Variants in UPP2 observed in about 807,000 individuals in gnomAD.
UPP2 encodes the protein uridine phosphorylase 2, also known as UPase 2.
In UPP2, 23 loss-of-function variants were observed where a neutral mutation model predicts 26.7. The ratio of observed to expected loss-of-function variants is 0.86; its 90% CI spans 0.62 to 1.22. UPP2 has a LOEUF of 1.22. UPP2 is among the 50% of genes most tolerant of loss of function. The pLI is 0.00. For synonymous variants in UPP2, 127 were observed against 141.3 expected (o/e 0.90, Z 0.72); for missense variants, 387 against 396.7 (o/e 0.98, Z 0.21).
intron 4 of UPP2, 36 bp downstream of exon 4, chr2:158,117,974 G>T: frequency 1.3e-6 from 2 of 1,537,336 alleles, no homozygotes; most frequent in Non-Finnish European, 1.8e-6. Context: ...AGAACTGAGT[G>T]ATCCTTACAT....
intron 3 of UPP2, among the ~76,000 whole-genome samples, chr2:158,061,169 A>C (rs747868577): frequency 1.3e-5 from 2 of 152,236 alleles, no homozygotes; most frequent in Non-Finnish European, 2.9e-5. Flanking sequence ...GATGAATCAT[A>C]AAATTATTAT....
At chr2:157,995,627 T>A (rs6734235) in intron 2 of UPP2, among the ~76,000 whole-genome samples, 19,153 of 151,058 alleles carry the variant, frequency 0.13, 1,685 homozygotes, top group African/African-American at 0.25. Flanking sequence ...ACATAATTTT[T>A]AAAAAAAAAT....
At chr2:157,995,343 G>C in intron 2 of UPP2, 1 of 1,452,868 alleles carries the variant, frequency 6.9e-7, no homozygotes, top group Non-Finnish European at 9.6e-7. Context: ...AATTAATTTT[G>C]AATTATGTGG....
At chr2:158,051,188 TGTGTGTGTGTATGTGTGTATA>T (rs1558914998) in intron 3 of UPP2, among the ~76,000 whole-genome samples, 1 of 151,002 alleles carries the variant, frequency 6.6e-6, no homozygotes. Context: ...TGTGTGTGTG[TGTGTGTGTGTATGTGTGTATA>T]ATATCTTTCA....
intron 3 of UPP2, among the ~76,000 whole-genome samples, chr2:158,021,381 G>T (rs1171336491): frequency 6.6e-6 from 1 of 152,160 alleles, no homozygotes; most frequent in Non-Finnish European, 1.5e-5. Context: ...AAGATTCCAG[G>T]AGACTCTTCA....
intron 3 of UPP2, among the ~76,000 whole-genome samples, chr2:158,034,270 G>A (rs564835677): frequency 6.6e-6 from 1 of 152,258 alleles, no homozygotes; most frequent in East Asian, 1.9e-4. Flanking sequence ...TGCTCTCTGT[G>A]GGGAGGAGGT....
chr2:158,014,558 A>G (rs1324516751), intron 2 of UPP2, among the ~76,000 whole-genome samples: 1 of 152,218 alleles, frequency 6.6e-6, no homozygotes, highest in African/African-American at 2.4e-5. Context: ...TCAGAAAAGA[A>G]ATGTGTTTCT....
chr2:158,083,867 T>TATATATATA (rs1553467792), intron 3 of UPP2, among the ~76,000 whole-genome samples: 93 of 145,872 alleles, frequency 6.4e-4, no homozygotes, highest in African/African-American at 2.2e-3. Context: ...TATATGTTTT[T>TATATATATA]TATATATATA....
chr2:158,120,413 T>C (rs565165650), intron 4 of UPP2, among the ~76,000 whole-genome samples: 72 of 152,210 alleles, frequency 4.7e-4, no homozygotes, highest in African/African-American at 1.5e-3. Context: ...ATCTATGGCA[T>C]CTTTGTGAAA....
intron 3 of UPP2, among the ~76,000 whole-genome samples, chr2:158,069,773 A>G (rs893196106): frequency 1.3e-5 from 2 of 152,202 alleles, no homozygotes; most frequent in African/African-American, 4.8e-5. Flanking sequence ...TCAGGCTGTT[A>G]CATCAAAATA....
At chr2:158,126,021 G>A (rs143408722) in intron 6 of UPP2, among the ~76,000 whole-genome samples, 80 of 152,228 alleles carry the variant, frequency 5.3e-4, no homozygotes, top group Middle Eastern at 6.8e-3. Flanking sequence ...CATGAAAACC[G>A]GGTGATGACC....
At chr2:158,001,517 A>G (rs768303394) in intron 2 of UPP2, among the ~76,000 whole-genome samples, 46 of 152,232 alleles carry the variant, frequency 3.0e-4, no homozygotes, top group Non-Finnish European at 4.9e-4. Flanking sequence ...GGTGAATCCA[A>G]TAAGAAGCTA....
chr2:158,046,465 T>C (rs1684157463), intron 3 of UPP2, among the ~76,000 whole-genome samples: 1 of 152,216 alleles, frequency 6.6e-6, no homozygotes, highest in African/African-American at 2.4e-5. Flanking sequence ...CAAGTTGTTT[T>C]TCTGTGCCAG....
At chr2:158,071,740 A>G (rs1484333653) in intron 3 of UPP2, among the ~76,000 whole-genome samples, 2 of 152,002 alleles carry the variant, frequency 1.3e-5, no homozygotes, top group Non-Finnish European at 1.5e-5. Context: ...AAGGGAACCC[A>G]CTGCCTTGAG....
At chr2:158,058,292 CAAAAAAAAAAAAAAAAAAAAA>C (rs57994785) in intron 3 of UPP2, among the ~76,000 whole-genome samples, 19 of 38,804 alleles carry the variant, frequency 4.9e-4, no homozygotes, top group South Asian at 1.4e-3. Flanking sequence ...GACTCCGTCT[CAAAAAAAAAAAAAAAAAAAAA>C]AAAAAAAAAA....
At chr2:158,108,713 C>A (rs570742484) in intron 2 of UPP2, among the ~76,000 whole-genome samples, 1 of 152,272 alleles carries the variant, frequency 6.6e-6, no homozygotes, top group African/African-American at 2.4e-5. Context: ...CACTTATTCT[C>A]ACACACTGTC....
intron 2 of UPP2, among the ~76,000 whole-genome samples, chr2:158,107,838 C>T (rs2105215966): frequency 6.6e-6 from 1 of 152,194 alleles, no homozygotes; most frequent in South Asian, 2.1e-4. Flanking sequence ...GGCTGTGCTC[C>T]TTGCCTTTGT....
intron 3 of UPP2, among the ~76,000 whole-genome samples, chr2:158,042,440 C>T (rs1304094310): frequency 6.6e-6 from 1 of 152,116 alleles, no homozygotes; most frequent in East Asian, 1.9e-4. Flanking sequence ...TTAAAACAAG[C>T]TCCACCTTCC....
intron 3 of UPP2, among the ~76,000 whole-genome samples, chr2:158,058,381 TCTCTCTC>T (rs1348786877): frequency 7.2e-6 from 1 of 138,084 alleles, no homozygotes; most frequent in Non-Finnish European, 1.5e-5. Flanking sequence ...ATGCTCTCTC[TCTCTCTC>T]TCTCTCTCTC....
Sources: allele counts gnomAD v4.1 joint callset (sites outside exome capture counted in the v4.1 genomes callset), GRCh38; gene constraint gnomAD v4.1.1; transcripts MANE v1.5; gene names NCBI Gene and HGNC (gene_info 2026-07-23, HGNC 2026-07-21).